RAB11FIP3: variants seen among roughly 807,000 people sequenced by gnomAD.
RAB11FIP3 encodes the protein rab11 family-interacting protein 3.
RAB11FIP3 carries 17 observed loss-of-function variants against 77.8 expected under a neutral mutation model. That is an observed-to-expected ratio of 0.22 (90% confidence interval 0.15 to 0.33). The LOEUF (loss-of-function observed/expected upper bound fraction) is 0.33, where lower values mean the gene tolerates loss of function less well. Ranked by LOEUF, RAB11FIP3 falls within the 10% of genes least tolerant of loss-of-function variation. The pLI is 1.00. For synonymous variants in RAB11FIP3, 437 were observed against 448.2 expected, an observed-to-expected ratio of 0.98 and a Z score of 0.31; for missense variants, 1,005 against 1,011.2, an observed-to-expected ratio of 0.99 and a Z score of 0.08.
chr16:425,692 T>TCCGGCCTCCTCGGCCCCCGTCCC lies in RAB11FIP3; in HGVS notation c.-288_-266dup, dbSNP rs1333161463. On this transcript the variant is annotated 5_prime_UTR_variant, in exon 1 of 14. Coordinates refer to ENST00000262305, the MANE Select transcript of RAB11FIP3 (RefSeq NM_014700.4). ...ATCCTGCTTCACAGGCTCCGCGGCC[T>TCCGGCCTCCTCGGCCCCCGTCCC]CCGGCCTCCTCGGCCCCCGTCCCCC... 38 of 270,204 alleles carry TCCGGCCTCCTCGGCCCCCGTCCC rather than the reference T, an allele frequency of 1.4e-4. 1 individual carries two copies. The highest frequency in any genetic ancestry group is 1.1e-3 in the Middle Eastern group (1 of 874). The allele number at this position is 270,204 out of a possible 1,614,324, so 16.7% of individuals were successfully genotyped here.
chr16:428,170 C>T (rs984177969), intron 1 of RAB11FIP3, among the ~76,000 whole-genome samples: 1 of 152,076 alleles, frequency 6.6e-6, no homozygotes, highest in Middle Eastern at 3.4e-3. Flanking sequence ...GCTGAGTTCA[C>T]ATTAAGAAGA....
At chr16:469,518 C>A (rs1359040883) in intron 2 of RAB11FIP3, among the ~76,000 whole-genome samples, 1 of 152,188 alleles carries the variant, frequency 6.6e-6, no homozygotes, top group African/African-American at 2.4e-5. Context: ...CCTCAGCCTC[C>A]CGAGTAGATG....
At chr16:480,011 G>C (rs1475235358) in intron 3 of RAB11FIP3, among the ~76,000 whole-genome samples, 2 of 152,060 alleles carry the variant, frequency 1.3e-5, no homozygotes, top group East Asian at 3.9e-4. Context: ...ATTCAGCCAG[G>C]CACGGTGGCT....
chr16:477,523 C>G (rs1471965512), intron 3 of RAB11FIP3: 9 of 596,306 alleles, frequency 1.5e-5, no homozygotes, highest in Non-Finnish European at 1.7e-5. Context: ...TGACAGACAT[C>G]CTGGGCCTGC....
At position 426,652 on chromosome 16, in the gene RAB11FIP3, G is replaced by A. The variant is rs931006411; in HGVS notation, c.646G>A (p.Gly216Arg). The stretch of plus-strand genomic sequence containing the variant: ...CCGAGCCGTGTTCGATGCCCTGGAC[G>A]GGGATGGGGACGGTTTCGTCCGCAT... ...RLRAVFDALDGDGDGFVRIED... is the reference protein window; with the variant it reads ...RLRAVFDALDRDGDGFVRIED... Residue 216 changes from glycine to arginine, a missense_variant, in exon 1 of 14, where the codon GGG becomes AGG. Gly to Arg is a moderately radical substitution (Grantham distance 125). Transcript: ENST00000262305. This position sits in a 1 kb window ranked among gnomAD's most constrained non-coding sequence, Gnocchi z 5.0. 6 of 1,577,018 alleles carry A rather than the reference G, an allele frequency of 3.8e-6. No individual in the cohort carries two copies. Among genetic ancestry groups the A allele is most frequent in the Non-Finnish European group, 3.4e-6 (4 of 1,162,930 alleles).
In RAB11FIP3 at chr16:520,228, GC is replaced by G; in HGVS notation, c.1969del (p.Arg657AlafsTer14). ...SSSMGLQEYH[S>X]RARESELEQE... ...AGCATGGGCCTGCAGGAGTACCACA[GC>G]CGCGCCCGGGAGAGCGAGCTGGAGC... On this transcript the variant is annotated frameshift_variant, in exon 12 of 14. Coordinates refer to ENST00000262305, the MANE Select transcript of RAB11FIP3 (RefSeq NM_014700.4). LOFTEE classifies it high-confidence loss of function. The G allele has an allele frequency of 6.5e-7, 1 of 1,545,696 alleles. No homozygotes were observed. Among genetic ancestry groups the G allele is most frequent in the Non-Finnish European group, 8.7e-7 (1 of 1,147,900 alleles).
chr16:460,019 A>G (rs1190733478), intron 1 of RAB11FIP3, among the ~76,000 whole-genome samples: 5 of 151,910 alleles, frequency 3.3e-5, no homozygotes, highest in Non-Finnish European at 7.4e-5. Context: ...CTGGGATTAC[A>G]GGCATGCGCC....
chr16:436,555 C>T (rs2055131332), intron 1 of RAB11FIP3, among the ~76,000 whole-genome samples: 1 of 152,054 alleles, frequency 6.6e-6, no homozygotes, highest in Admixed American at 6.5e-5. Context: ...GATCTGAGCT[C>T]ACTGCAAGCT....
intron 3 of RAB11FIP3, among the ~76,000 whole-genome samples, chr16:482,148 C>G (rs1012549313): frequency 7.1e-6 from 1 of 140,846 alleles, no homozygotes; most frequent in East Asian, 2.1e-4. Flanking sequence ...GCAGGTGCCA[C>G]CGCACCTGGG....
chr16:456,301 T>G (rs1440035529), intron 1 of RAB11FIP3, among the ~76,000 whole-genome samples: 1 of 150,060 alleles, frequency 6.7e-6, no homozygotes, highest in African/African-American at 2.5e-5. Context: ...AATACAAAAA[T>G]GAGCCGGGTG....
At chr16:497,048 G>A in intron 6 of RAB11FIP3, 189 bp downstream of exon 6, 3 of 653,004 alleles carry the variant, frequency 4.6e-6, no homozygotes, top group Non-Finnish European at 7.2e-6. Flanking sequence ...CTGTGAATTT[G>A]GACCTGGATT....
intron 3 of RAB11FIP3, chr16:474,894 G>A (rs2055872098): frequency 1.3e-6 from 2 of 1,497,390 alleles, no homozygotes; most frequent in African/African-American, 2.8e-5. Context: ...CCTAGGTGGT[G>A]ATGTGCCTCC....
chr16:437,414 C>T (rs1435009103), intron 1 of RAB11FIP3, among the ~76,000 whole-genome samples: 1 of 148,052 alleles, frequency 6.8e-6, no homozygotes, highest in Non-Finnish European at 1.5e-5. Flanking sequence ...AATAAAAATA[C>T]AAAAAATTAG....
In RAB11FIP3 at chr16:493,959, G is replaced by A. The variant is rs377685736; in HGVS notation, c.1266-2865G>A. Among the ~76,000 whole-genome samples, 118 of 133,418 alleles carry A rather than the reference G, an allele frequency of 8.8e-4. 1 individual carries two copies. The highest frequency in any genetic ancestry group is 2.0e-3 in the African/African-American group (68 of 34,698). 87.5% of individuals were successfully genotyped at this position (133,418 alleles called of 152,430 possible). ...CGATCTGTCACCCAGGCTGGAGTGC[G>A]GTGGTGCGATCTCGGCTCACTGCAA... On this transcript the variant is annotated intron_variant, in intron 5 of 13. Transcript: ENST00000262305.
intron 1 of RAB11FIP3, among the ~76,000 whole-genome samples, chr16:452,847 C>T (rs1430583965): frequency 2.8e-5 from 2 of 71,484 alleles, no homozygotes; most frequent in African/African-American, 6.3e-5. Flanking sequence ...CTCCACCTCC[C>T]GGGTTCAAGT....
intron 5 of RAB11FIP3, among the ~76,000 whole-genome samples, chr16:491,421 T>C (rs1318506040): frequency 6.6e-6 from 1 of 151,694 alleles, no homozygotes; most frequent in Non-Finnish European, 1.5e-5. Context: ...CTGCACGCTG[T>C]GGGGCCACCA....
chr16:501,171 G>C (rs1177544249), intron 6 of RAB11FIP3, among the ~76,000 whole-genome samples: 2 of 152,230 alleles, frequency 1.3e-5, no homozygotes, highest in Non-Finnish European at 2.9e-5. Context: ...TCATACACTT[G>C]GTAGACATTT....
chr16:500,801 C>T (rs1276441155), intron 6 of RAB11FIP3, among the ~76,000 whole-genome samples: 3 of 151,926 alleles, frequency 2.0e-5, no homozygotes, highest in East Asian at 1.9e-4. Flanking sequence ...GGTGGCTGCA[C>T]GCTGGGTGCC....
At chr16:445,843 T>A (rs138649108) in intron 1 of RAB11FIP3, among the ~76,000 whole-genome samples, 1 of 152,280 alleles carries the variant, frequency 6.6e-6, no homozygotes, top group East Asian at 1.9e-4. Context: ...CAGACCTGGC[T>A]GCTCCCTGGG....
Sources: gnomAD v4.1 joint callset for allele counts (sites outside exome capture counted in the v4.1 genomes callset) on GRCh38, gnomAD v4.1.1 for gene constraint, Gnocchi (gnomAD v3.1) non-coding constraint, MANE v1.5 for transcripts, NCBI Gene and HGNC (gene_info 2026-07-23, HGNC 2026-07-21) for gene names.